DOCK8: variants seen among roughly 807,000 people sequenced by gnomAD.
The protein encoded by DOCK8 is dedicator of cytokinesis protein 8.
DOCK8 carries 141 observed loss-of-function variants against 245.6 expected under a neutral mutation model. The ratio of observed to expected loss-of-function variants is 0.57; its 90% CI spans 0.50 to 0.66. The LOEUF (loss-of-function observed/expected upper bound fraction) is 0.66. Among genes scored for constraint, DOCK8 ranks in the 30% least tolerant of loss-of-function variants. The pLI, the probability that DOCK8 is intolerant of heterozygous loss-of-function variation, is 0.00. For missense variants in DOCK8, 2,965 were observed against 2,603.4 expected, an observed-to-expected ratio of 1.14 and a Z score of -3.02; for synonymous variants, 1,168 against 970.2, an observed-to-expected ratio of 1.20 and a Z score of -3.79.
intron 13 of DOCK8, among the ~76,000 whole-genome samples, chr9:339,370 C>T (rs1273958882): frequency 7.9e-5 from 12 of 151,938 alleles, no homozygotes. Flanking sequence ...CAGAGGAGCC[C>T]CTTTAATCAA....
chr9:303,700 A>G (rs1196805876), intron 4 of DOCK8, among the ~76,000 whole-genome samples: 1 of 152,224 alleles, frequency 6.6e-6, no homozygotes, highest in African/African-American at 2.4e-5. Context: ...CATGGTCACT[A>G]TGTGGGTGAC....
At chr9:329,668 C>G (rs1205004916) in intron 9 of DOCK8, among the ~76,000 whole-genome samples, 1 of 152,190 alleles carries the variant, frequency 6.6e-6, no homozygotes, top group African/African-American at 2.4e-5. Context: ...TCACAATTCT[C>G]TGTCAGCCTA....
upstream of DOCK8, chr9:213,474 C>G (rs756297226): frequency 4.6e-5 from 7 of 152,136 alleles, no homozygotes; most frequent in Non-Finnish European, 1.0e-4. Context: ...AAGGGGAAAA[C>G]AAACAGGTGA....
chr9:280,780 C>G (rs1347847361), intron 2 of DOCK8: 1 of 152,248 alleles, frequency 6.6e-6, no homozygotes, highest in Non-Finnish European at 1.5e-5. Flanking sequence ...AGTCTCCCTT[C>G]TGTCCTCCAG....
Position 391,821 on chromosome 9 carries a change from CT to C in DOCK8, c.2970+1278del, listed in dbSNP as rs373810616. 4.9e-3 allele frequency among the ~76,000 whole-genome samples: 573 copies of C among 116,262 alleles called. 3 individuals are homozygous for C. The highest frequency in any genetic ancestry group is 6.3e-3 in the Non-Finnish European group (348 of 55,168). The allele number at this position is 116,262 out of a possible 152,430, so 76.3% of individuals were successfully genotyped here. On this transcript the variant is annotated intron_variant, in intron 24 of 47. Coordinates refer to ENST00000432829, the MANE Select transcript of DOCK8 (RefSeq NM_203447.4). The stretch of plus-strand genomic sequence containing the variant: ...CTTTCCCCTGTCCCATTAAGTGAAT[CT>C]TTTTTTTTTTTTTTTTTTTTTTAAA...
At chr9:390,132 C>G (rs74670770) in intron 23 of DOCK8, among the ~76,000 whole-genome samples, 7,278 of 152,118 alleles carry the variant, frequency 0.048, 430 homozygotes, top group African/African-American at 0.14. Flanking sequence ...GAGTTTTCAG[C>G]AGGACCCAAG....
chr9:295,860 C>G lies in DOCK8; in HGVS notation c.404+6279C>G, dbSNP rs144808004. ...TCATCATTCTACAGGGCATTTGCCA[C>G]TCAAGTACTGTAATTGAGACATTTA... On this transcript the variant is annotated intron_variant, in intron 4 of 47. Coordinates refer to ENST00000432829, the MANE Select transcript of DOCK8 (RefSeq NM_203447.4). Among the ~76,000 whole-genome samples, 167 of 152,288 alleles carry G rather than the reference C, an allele frequency of 1.1e-3. No homozygotes were observed. In the Middle Eastern group the frequency reaches 0.02, roughly 19 times the overall value.
intron 2 of DOCK8, among the ~76,000 whole-genome samples, chr9:285,961 A>G (rs1281033066): frequency 2.0e-5 from 3 of 152,160 alleles, no homozygotes; most frequent in Admixed American, 6.5e-5. Context: ...ATGATTATAT[A>G]TGAAGTGCTT....
Position 312,030 on chromosome 9 carries a change from G to T in DOCK8, c.605G>T (p.Arg202Leu), listed in dbSNP as rs374288188. The T allele has an allele frequency of 6.2e-7, 1 of 1,614,160 alleles. No individual in the cohort carries two copies. The highest frequency in any genetic ancestry group is 8.5e-7 in the Non-Finnish European group (1 of 1,180,030). Residue 202 changes from arginine to leucine, a missense_variant, in exon 6 of 48, where the codon CGC becomes CTC. By Grantham distance (102) the Arg-to-Leu change is moderately radical. Around this residue, in one of 3 missense-constraint regions of DOCK8, gnomAD observed 2,825 missense variants for 2,453.5 expected, o/e 1.15. Coordinates refer to ENST00000432829, the MANE Select transcript of DOCK8 (RefSeq NM_203447.4). ...GPVTACDFDL[R>L]SLQPDKRLEN... ...GTCACTGCCTGTGACTTTGACCTCC[G>T]CAGCCTGCAGCCTGACAAGCGGCTA...
chr9:308,670 T>C (rs1369153227), intron 5 of DOCK8, among the ~76,000 whole-genome samples: 1 of 152,212 alleles, frequency 6.6e-6, no homozygotes, highest in Admixed American at 6.5e-5. Context: ...TGTTCTTTCT[T>C]TTTTAGAGAC....
intron 14 of DOCK8, among the ~76,000 whole-genome samples, chr9:357,762 A>C (rs2052515246): frequency 6.6e-6 from 1 of 152,180 alleles, no homozygotes; most frequent in Admixed American, 6.5e-5. Context: ...GCCTCCTTCT[A>C]ATCTTGCGCC....
intron 23 of DOCK8, among the ~76,000 whole-genome samples, chr9:388,399 A>C (rs1435097374): frequency 6.6e-6 from 1 of 152,128 alleles, no homozygotes; most frequent in Non-Finnish European, 1.5e-5. Context: ...ATTCCTCACC[A>C]CTAACCCGCC....
Position 290,470 on chromosome 9 carries a change from G to A in DOCK8, c.404+889G>A, listed in dbSNP as rs116351203. Among the ~76,000 whole-genome samples, 1,450 of 152,278 alleles carry A rather than the reference G, an allele frequency of 9.5e-3. 16 individuals carry two copies. The highest frequency in any genetic ancestry group is 0.03 in the African/African-American group (1,245 of 41,544). ...TTAAGTGAATTGAAACCTGGCCTCA[G>A]CTTCAGAGGTGGCATTCGAGTTTAT... is the stretch of plus-strand genomic sequence containing the variant. On this transcript the variant is annotated intron_variant, in intron 4 of 47. Coordinates refer to ENST00000432829, the MANE Select transcript of DOCK8 (RefSeq NM_203447.4).
chr9:344,606 C>CCT, intron 14 of DOCK8, among the ~76,000 whole-genome samples: 1 of 152,222 alleles, frequency 6.6e-6, no homozygotes. Flanking sequence ...TTGTTCCTTG[C>CCT]CATCTCCCCA....
chr9:398,899 T>C (rs1186299163), intron 25 of DOCK8, among the ~76,000 whole-genome samples: 2 of 151,922 alleles, frequency 1.3e-5, no homozygotes, highest in African/African-American at 2.4e-5. Flanking sequence ...CATATAAATA[T>C]GCATGTAGAA....
intron 14 of DOCK8, among the ~76,000 whole-genome samples, chr9:365,231 C>G (rs184029378): frequency 4.6e-5 from 7 of 152,276 alleles, no homozygotes; most frequent in Admixed American, 2.6e-4. Context: ...GTGTAGAAGT[C>G]AAGATCTATT....
chr9:222,874 C>T (rs1010210256), intron 1 of DOCK8, among the ~76,000 whole-genome samples: 5 of 152,216 alleles, frequency 3.3e-5, no homozygotes, highest in African/African-American at 1.2e-4. Context: ...GTAATCCAAT[C>T]TACCTCCTCC....
Position 286,536 on chromosome 9 carries a change from C to T in DOCK8, c.232C>T (p.Gln78Ter), listed in dbSNP as rs753796381. The T allele has an allele frequency of 6.2e-7, 1 of 1,614,014 alleles. No homozygotes were observed. The highest frequency in any genetic ancestry group is 8.5e-7 in the Non-Finnish European group (1 of 1,179,938). ...GACACACCTGAACAGCCTGGATGTG[C>T]AGCTTGCCCAGGAGCTCGGGGACTT... The part of the protein sequence containing the change: ...LMTHLNSLDV[Q>*]LAQELGDFTD... The change falls in exon 3 of 48, where the codon CAG becomes TAG. Residue 78 changes from glutamine to a stop codon, truncating the protein, a stop_gained. Transcript: ENST00000432829. LOFTEE classifies it high-confidence loss of function.
chr9:358,160 C>T (rs763375248), intron 14 of DOCK8, among the ~76,000 whole-genome samples: 3 of 152,136 alleles, frequency 2.0e-5, no homozygotes, highest in Admixed American at 6.5e-5. Context: ...TCATAGCTCA[C>T]TGCAGCCTTG....
Sources: allele counts gnomAD v4.1 joint callset (sites outside exome capture counted in the v4.1 genomes callset), GRCh38; gene constraint gnomAD v4.1.1; regional missense constraint gnomAD v4.1.1; transcripts MANE v1.5; gene names NCBI Gene and HGNC (gene_info 2026-07-23, HGNC 2026-07-21).